The following SAMD12 variants were observed in gnomAD, a reference collection of about 807,000 sequenced individuals.
SAMD12 encodes sterile alpha motif domain-containing protein 12.
A neutral mutation model predicts 15.0 loss-of-function variants in SAMD12; 9 were observed. The ratio of observed to expected loss-of-function variants is 0.60; its 90% confidence interval spans 0.36 to 1.05. The LOEUF is 1.05. Ranked by LOEUF, SAMD12 falls within the 50% of genes least tolerant of loss-of-function variation. The pLI is 0.01. For missense variants in SAMD12, 230 were observed against 234.2 expected, an observed-to-expected ratio of 0.98 and a Z score of 0.12; for synonymous variants, 86 against 90.1, an observed-to-expected ratio of 0.96 and a Z score of 0.25.
In SAMD12 at chr8:118,338,459, C is replaced by T. The variant is rs576880862; in HGVS notation, c.433+41101G>A. ...TGAGTTTATGTTTACTTTTTGAATT[C>T]CAATGTGGAAACGGACTAAAAAACA... On this transcript the variant is annotated intron_variant, in intron 4 of 4. Transcript: ENST00000409003. 2.8e-4 allele frequency among the ~76,000 whole-genome samples: 42 copies of T among 152,130 alleles called. 1 individual carries two copies. The South Asian group carries it at 6.4e-3, about 23-fold the overall frequency.
At chr8:118,226,895 G>T (rs370373527) in intron 4 of SAMD12, among the ~76,000 whole-genome samples, 2 of 152,120 alleles carry the variant, frequency 1.3e-5, no homozygotes, top group African/African-American at 4.8e-5. Flanking sequence ...AACAGTGAGA[G>T]GGTGTATAAG....
At chr8:118,523,243 T>C (rs1035360348) in intron 2 of SAMD12, among the ~76,000 whole-genome samples, 20 of 152,144 alleles carry the variant, frequency 1.3e-4, no homozygotes, top group Non-Finnish European at 2.6e-4. Flanking sequence ...GGGCACTCCC[T>C]CAACCTCTTG....
the SAMD12 span, among the ~76,000 whole-genome samples, chr8:118,149,765 AGT>A: frequency 6.6e-6 from 1 of 152,036 alleles, no homozygotes; most frequent in Non-Finnish European, 1.5e-5. Context: ...TGAGATATGA[AGT>A]TTTTATTTTT....
chr8:118,182,093 T>C, the SAMD12 span, among the ~76,000 whole-genome samples: 41 of 152,322 alleles, frequency 2.7e-4, no homozygotes, highest in East Asian at 6.6e-3. Context: ...AAACAGATAT[T>C]TGAAAACCTT....
At chr8:118,511,917 A>T (rs1035069173) in intron 2 of SAMD12, among the ~76,000 whole-genome samples, 11 of 152,214 alleles carry the variant, frequency 7.2e-5, no homozygotes, top group African/African-American at 2.4e-4. Context: ...TAGGATGAAA[A>T]GACAAATCAA....
At chr8:118,381,797 G>C (rs941926820) in intron 3 of SAMD12, among the ~76,000 whole-genome samples, 3 of 152,210 alleles carry the variant, frequency 2.0e-5, no homozygotes, top group Admixed American at 2.0e-4. Context: ...CAATAAATTT[G>C]TGTTGTTTAA....
chr8:118,326,013 C>T (rs749437688), intron 4 of SAMD12, among the ~76,000 whole-genome samples: 18 of 152,144 alleles, frequency 1.2e-4, no homozygotes, highest in East Asian at 3.9e-4. Flanking sequence ...GCTGACTTCA[C>T]GCCGGAAGCC....
At chr8:118,335,199 AC>A (rs750272636) in intron 4 of SAMD12, among the ~76,000 whole-genome samples, 13 of 152,090 alleles carry the variant, frequency 8.5e-5, no homozygotes, top group Non-Finnish European at 1.8e-4. Flanking sequence ...CACATGCAAG[AC>A]CTCAAAGGTC....
At chr8:118,429,201 T>C (rs554954308) in intron 3 of SAMD12, among the ~76,000 whole-genome samples, 1 of 152,224 alleles carries the variant, frequency 6.6e-6, no homozygotes, top group Non-Finnish European at 1.5e-5. Context: ...TAAGTTATAT[T>C]ATTAGTTCTT....
chr8:118,449,020 G>C (rs944896947), intron 2 of SAMD12, among the ~76,000 whole-genome samples: 2 of 151,386 alleles, frequency 1.3e-5, no homozygotes, highest in Non-Finnish European at 2.9e-5. Flanking sequence ...TCTCAAGCCT[G>C]GCTTGGGGAA....
chr8:118,260,699 T>G (rs1813057310), intron 4 of SAMD12, among the ~76,000 whole-genome samples: 1 of 151,752 alleles, frequency 6.6e-6, no homozygotes, highest in Admixed American at 6.6e-5. Context: ...GACATTGGAG[T>G]CTATCCTCTT....
chr8:118,137,544 C>T, the SAMD12 span, among the ~76,000 whole-genome samples: 2 of 152,158 alleles, frequency 1.3e-5, no homozygotes, highest in African/African-American at 4.8e-5. Context: ...CTCACTTCCT[C>T]CACCAGGATG....
chr8:118,553,580 T>C (rs1274974751), intron 2 of SAMD12, among the ~76,000 whole-genome samples: 2 of 150,064 alleles, frequency 1.3e-5, no homozygotes, highest in Non-Finnish European at 3.0e-5. Context: ...ATAAAAACCC[T>C]AGAAGAAAAC....
intron 3 of SAMD12, among the ~76,000 whole-genome samples, chr8:118,389,312 A>G (rs1026183532): frequency 6.6e-6 from 1 of 152,246 alleles, no homozygotes; most frequent in African/African-American, 2.4e-5. Flanking sequence ...ATAAAATTAT[A>G]CCAGAGGTCA....
At chr8:118,405,117 G>A (rs112872408) in intron 3 of SAMD12, among the ~76,000 whole-genome samples, 1,564 of 152,276 alleles carry the variant, frequency 0.01, 30 homozygotes, top group African/African-American at 0.036. Context: ...ACAAGGATGT[G>A]GAGAAACTGG....
chr8:118,511,066 T>G (rs946490825), intron 2 of SAMD12, among the ~76,000 whole-genome samples: 7 of 152,250 alleles, frequency 4.6e-5, no homozygotes, highest in African/African-American at 1.4e-4. Context: ...AATATTACTT[T>G]GCTTATCATT....
chr8:118,422,911 T>C (rs1822061656), intron 3 of SAMD12, among the ~76,000 whole-genome samples: 1 of 152,108 alleles, frequency 6.6e-6, no homozygotes, highest in Non-Finnish European at 1.5e-5. Context: ...CAAGGGACGG[T>C]AGGCAAGGAG....
At chr8:118,230,362 T>G (rs1812280730) in intron 4 of SAMD12, among the ~76,000 whole-genome samples, 1 of 152,148 alleles carries the variant, frequency 6.6e-6, no homozygotes, top group Admixed American at 6.5e-5. Flanking sequence ...AATATTGGAC[T>G]CATGGTTTTC....
intron 1 of SAMD12, among the ~76,000 whole-genome samples, chr8:118,596,854 C>T (rs1427351977): frequency 1.3e-5 from 2 of 152,162 alleles, no homozygotes; most frequent in Non-Finnish European, 2.9e-5. Context: ...ACACAAATAG[C>T]AGGGTTTCAG....
Sources: gnomAD v4.1 joint callset for allele counts (sites outside exome capture counted in the v4.1 genomes callset) on GRCh38, gnomAD v4.1.1 for gene constraint, MANE v1.5 for transcripts, NCBI Gene and HGNC (gene_info 2026-07-23, HGNC 2026-07-21) for gene names.